The following LARGE1 variants were observed in gnomAD, a reference collection of about 807,000 sequenced individuals.
The protein encoded by LARGE1 is LARGE xylosyl- and glucuronyltransferase 1.
LARGE1 carries 43 observed loss-of-function variants against 87.6 expected under a neutral mutation model. The observed-to-expected ratio is 0.49, with a 90% CI of 0.38 to 0.63. The LOEUF (loss-of-function observed/expected upper bound fraction) is 0.63, where lower values mean the gene tolerates loss of function less well. LARGE1 is among the 30% of genes least tolerant of loss of function. LARGE1 has a pLI of 0.00. For missense variants in LARGE1, 802 were observed against 1,000.2 expected, an observed-to-expected ratio of 0.80 and a Z score of 2.67; for synonymous variants, 434 against 394.6, an observed-to-expected ratio of 1.10 and a Z score of -1.18.
At chr22:33,069,104 A>G in the LARGE1 span, among the ~76,000 whole-genome samples, 2 of 152,180 alleles carry the variant, frequency 1.3e-5, no homozygotes, top group Admixed American at 6.5e-5. Context: ...CCTCATCGCC[A>G]TCATTTCAAG....
At chr22:33,226,582 G>A (rs1056500110) in intron 11 of LARGE1, among the ~76,000 whole-genome samples, 2 of 152,114 alleles carry the variant, frequency 1.3e-5, no homozygotes, top group African/African-American at 4.8e-5. Flanking sequence ...TCCTTTTAAA[G>A]TCCTACAATT....
intron 1 of LARGE1, among the ~76,000 whole-genome samples, chr22:33,818,994 G>A (rs1292271397): frequency 6.6e-6 from 1 of 152,168 alleles, no homozygotes; most frequent in African/African-American, 2.4e-5. Context: ...CCAGAAACGG[G>A]TGCCTAATTA....
intron 1 of LARGE1, among the ~76,000 whole-genome samples, chr22:33,793,333 C>T (rs1006006086): frequency 3.9e-5 from 6 of 152,124 alleles, no homozygotes; most frequent in African/African-American, 1.2e-4. Context: ...CTTTTCCAGG[C>T]TTCAATGAGG....
chr22:33,420,935 C>T (rs1468300995), intron 7 of LARGE1, among the ~76,000 whole-genome samples: 1 of 152,192 alleles, frequency 6.6e-6, no homozygotes, highest in Non-Finnish European at 1.5e-5. Context: ...TGCCTGTAAT[C>T]TCAGCAGTTT....
rs137458 is a variant in LARGE1, at chr22:33,217,238, C to CAAA, written c.1731-50409_1731-50407dup. Reference sequence around the variant, plus strand: ...ATAGGTAGTTAACAATATCTAACAGCAAAAAAAAAAAAAAAATAACGAGCA... The same window carrying CAAA: ...ATAGGTAGTTAACAATATCTAACAGCAAAAAAAAAAAAAAAAAAATAACGAGCA... On this transcript the variant is annotated intron_variant, in intron 11 of 11. Coordinates refer to the LARGE1 transcript ENST00000608642. Among the ~76,000 whole-genome samples, 894 of 131,320 alleles carry CAAA rather than the reference C, an allele frequency of 6.8e-3. 14 individuals carry two copies. The highest frequency in any genetic ancestry group is 0.022 in the African/African-American group (795 of 35,412). The allele number at this position is 131,320 out of a possible 152,430, so 86.2% of individuals were successfully genotyped here.
chr22:33,349,429 G>A (rs770393415), intron 9 of LARGE1, among the ~76,000 whole-genome samples: 13 of 152,130 alleles, frequency 8.5e-5, no homozygotes, highest in East Asian at 1.9e-4. Flanking sequence ...GAATATACAC[G>A]CTCCATTCCC....
intron 11 of LARGE1, among the ~76,000 whole-genome samples, chr22:33,185,930 T>A (rs1184565801): frequency 6.6e-6 from 1 of 152,082 alleles, no homozygotes; most frequent in Non-Finnish European, 1.5e-5. Context: ...TTGACAAATT[T>A]GATCAAAGAA....
chr22:33,473,930 A>G (rs1346529094), intron 6 of LARGE1, among the ~76,000 whole-genome samples: 1 of 152,210 alleles, frequency 6.6e-6, no homozygotes, highest in Admixed American at 6.5e-5. Context: ...ACACCTTCTC[A>G]CCATCCCACA....
In LARGE1 at chr22:33,264,468, G is replaced by T. The variant is rs145183304; in HGVS notation, c.1730+39761C>A. 3.8e-3 allele frequency among the ~76,000 whole-genome samples: 586 copies of T among 152,280 alleles called. 9 individuals are homozygous for T. Among genetic ancestry groups the T allele is most frequent in the Middle Eastern group, 0.014 (4 of 294 alleles). On this transcript the variant is annotated intron_variant, in intron 11 of 11. Coordinates refer to the LARGE1 transcript ENST00000608642. ...GAGGTCAGGAGTTGGAGACCAGCCT[G>T]GCCAACGTGGTGAAATTCCTGTCTC...
chr22:33,599,426 T>TA (rs1285645006), intron 5 of LARGE1, among the ~76,000 whole-genome samples: 2 of 152,024 alleles, frequency 1.3e-5, no homozygotes, highest in Non-Finnish European at 2.9e-5. Context: ...AGAGCAGAGG[T>TA]ACCTTCAGTC....
At chr22:33,907,744 G>T (rs1019623679) in intron 1 of LARGE1, among the ~76,000 whole-genome samples, 1 of 151,984 alleles carries the variant, frequency 6.6e-6, no homozygotes, top group Admixed American at 6.6e-5. Flanking sequence ...ACAGGCGCCC[G>T]CCACCACGCC....
chr22:33,574,280 A>C (rs973940659), intron 5 of LARGE1, among the ~76,000 whole-genome samples: 5 of 152,160 alleles, frequency 3.3e-5, no homozygotes, highest in Non-Finnish European at 7.3e-5. Context: ...CTCTGATATA[A>C]AATGGTGCCC....
intron 1 of LARGE1, among the ~76,000 whole-genome samples, chr22:33,897,650 C>T (rs968355205): frequency 3.9e-5 from 6 of 152,188 alleles, no homozygotes; most frequent in Admixed American, 1.3e-4. Flanking sequence ...CGCTTTATTA[C>T]GAGAGTCTAA....
chr22:33,531,483 A>C lies in LARGE1; in HGVS notation c.787+33365T>G, dbSNP rs548313013. ...AGCATTCTTTTGAATTATATCAATT[A>C]TCTCTCCAACTACCTGGATGTGGAC... is the stretch of plus-strand genomic sequence containing the variant. On this transcript the variant is annotated intron_variant, in intron 6 of 14. Coordinates refer to ENST00000397394, the MANE Select transcript of LARGE1 (RefSeq NM_133642.5). Among the ~76,000 whole-genome samples the C allele has an allele frequency of 7.9e-5, 12 of 152,296 alleles. No homozygotes were observed. In the South Asian group the frequency reaches 1.2e-3, roughly 16 times the overall value.
chr22:33,424,234 G>C (rs886174694), intron 7 of LARGE1, among the ~76,000 whole-genome samples: 2 of 152,216 alleles, frequency 1.3e-5, no homozygotes, highest in African/African-American at 4.8e-5. Flanking sequence ...ACAGTGAGCG[G>C]AAGTTTACAG....
intron 11 of LARGE1, among the ~76,000 whole-genome samples, chr22:33,305,834 T>C (rs1391297914): frequency 8.5e-6 from 1 of 117,886 alleles, no homozygotes; most frequent in African/African-American, 4.3e-5. Context: ...AAACATTTCT[T>C]TTTCTTTTTC....
intron 9 of LARGE1, among the ~76,000 whole-genome samples, chr22:33,355,525 A>C (rs1421692705): frequency 6.6e-6 from 1 of 152,150 alleles, no homozygotes; most frequent in Non-Finnish European, 1.5e-5. Flanking sequence ...CTTCGTGATA[A>C]CTGGAAAATT....
chr22:33,646,533 T>C (rs2080618912), intron 3 of LARGE1, among the ~76,000 whole-genome samples: 1 of 151,724 alleles, frequency 6.6e-6, no homozygotes, highest in African/African-American at 2.4e-5. Flanking sequence ...AAACCAACCA[T>C]GGCACATGTA....
chr22:33,660,595 G>A lies in LARGE1; in HGVS notation c.107-9927C>T, dbSNP rs116354117. On this transcript the variant is annotated intron_variant, in intron 2 of 14. Coordinates refer to ENST00000397394, the MANE Select transcript of LARGE1 (RefSeq NM_133642.5). ...GTTAGTGACGGTCTCCAATGGTTGA[G>A]TCTGAGAAAGCATCCTTTCTCCTTC... Among the ~76,000 whole-genome samples, 328 of 152,318 alleles carry A rather than the reference G, an allele frequency of 2.2e-3. 2 individuals are homozygous for A. Among genetic ancestry groups the A allele is most frequent in the African/African-American group, 7.6e-3 (316 of 41,574 alleles).
Sources: gnomAD v4.1 joint callset for allele counts (sites outside exome capture counted in the v4.1 genomes callset) on GRCh38, gnomAD v4.1.1 for gene constraint, MANE v1.5 for transcripts, NCBI Gene and HGNC (gene_info 2026-07-23, HGNC 2026-07-21) for gene names.